Variants in MTHFD2L observed in about 807,000 individuals in gnomAD.
MTHFD2L encodes bifunctional methylenetetrahydrofolate dehydrogenase/cyclohydrolase 2, mitochondrial.
MTHFD2L carries 29 observed loss-of-function variants against 34.9 expected under a neutral mutation model. The observed-to-expected ratio is 0.83, with a 90% CI of 0.62 to 1.13. The LOEUF is 1.13. Ranked by LOEUF, MTHFD2L falls within the 50% of genes most tolerant of loss-of-function variation. The pLI is 0.00. For missense variants in MTHFD2L, 481 were observed against 446.5 expected, an observed-to-expected ratio of 1.08 and a Z score of -0.70; for synonymous variants, 167 against 155.7, an observed-to-expected ratio of 1.07 and a Z score of -0.54.
intron 1 of MTHFD2L, among the ~76,000 whole-genome samples, chr4:74,130,347 T>C (rs975048858): frequency 1.3e-5 from 2 of 152,190 alleles, no homozygotes; most frequent in African/African-American, 4.8e-5. Context: ...CATAAAATAC[T>C]GGCAAACCTA....
intron 5 of MTHFD2L, among the ~76,000 whole-genome samples, chr4:74,223,643 A>AAAT (rs1261027676): frequency 1.3e-5 from 2 of 151,502 alleles, no homozygotes; most frequent in African/African-American, 4.8e-5. Context: ...AAATAAAAAT[A>AAAT]AATAAATATT....
chr4:74,188,010 A>G (rs1316087357), intron 3 of MTHFD2L, among the ~76,000 whole-genome samples: 1 of 152,264 alleles, frequency 6.6e-6, no homozygotes, highest in Non-Finnish European at 1.5e-5. Flanking sequence ...TATTCCATAC[A>G]ATAGAATACT....
chr4:74,267,349 CCTTT>C (rs1230412411), intron 6 of MTHFD2L: 18 of 544,732 alleles, frequency 3.3e-5, no homozygotes, highest in East Asian at 1.5e-4. Context: ...CTTTCTTTCT[CCTTT>C]CTTTCTTCCT....
intron 1 of MTHFD2L, among the ~76,000 whole-genome samples, chr4:74,125,702 C>T (rs1722018834): frequency 6.6e-6 from 1 of 151,690 alleles, no homozygotes; most frequent in South Asian, 2.1e-4. Flanking sequence ...TAGTAATTTG[C>T]TTTTTTAATA....
chr4:74,158,337 G>C (rs1248162813), intron 1 of MTHFD2L, 56 bp downstream of exon 1: 20 of 1,171,454 alleles, frequency 1.7e-5, no homozygotes, highest in Non-Finnish European at 2.0e-5. Context: ...GGTCGGCGGG[G>C]GCGCGGGCGG....
At chr4:74,205,432 A>G (rs903298897) in intron 5 of MTHFD2L, among the ~76,000 whole-genome samples, 1 of 152,234 alleles carries the variant, frequency 6.6e-6, no homozygotes, top group Non-Finnish European at 1.5e-5. Flanking sequence ...GAAGACATGC[A>G]GAACCCTAGT....
intron 3 of MTHFD2L, among the ~76,000 whole-genome samples, chr4:74,186,855 C>A (rs1731381094): frequency 6.6e-6 from 1 of 152,010 alleles, no homozygotes; most frequent in South Asian, 2.1e-4. Flanking sequence ...ATGGTCCAAA[C>A]AATTTTGAAA....
chr4:74,268,292 T>C (rs1745558874), intron 6 of MTHFD2L: 1 of 967,710 alleles, frequency 1.0e-6, no homozygotes, highest in Non-Finnish European at 1.2e-6. Context: ...GAAAGAAGCA[T>C]ACATTCACAC....
chr4:74,178,827 A>C (rs2109974264), intron 3 of MTHFD2L, among the ~76,000 whole-genome samples: 1 of 152,108 alleles, frequency 6.6e-6, no homozygotes, highest in East Asian at 1.9e-4. Flanking sequence ...TACTGATGAG[A>C]AATTTGAGGC....
At chr4:74,186,227 T>G (rs985910908) in intron 3 of MTHFD2L, among the ~76,000 whole-genome samples, 1 of 151,966 alleles carries the variant, frequency 6.6e-6, no homozygotes, top group African/African-American at 2.4e-5. Flanking sequence ...AGAGAACTCT[T>G]TCAAGCTGAT....
At chr4:74,175,169 A>G (rs1025997350) in intron 2 of MTHFD2L, 112 bp from the exon 3 acceptor site, 12 of 1,125,558 alleles carry the variant, frequency 1.1e-5, no homozygotes, top group Non-Finnish European at 1.4e-5. Flanking sequence ...TGATGCATGG[A>G]ACATCAGAAC....
In MTHFD2L at chr4:74,298,860, G is replaced by A. The variant is rs181175803; in HGVS notation, c.932-2837G>A. On this transcript the variant is annotated intron_variant, in intron 7 of 7. Transcript: ENST00000325278. ...TGATAATACAGTTGCATTGGAATGG[G>A]GTGAAATTATGGGATTATAGAGCAT... Among the ~76,000 whole-genome samples, 336 of 151,984 alleles carry A rather than the reference G, an allele frequency of 2.2e-3. 2 individuals are homozygous for A. The highest frequency in any genetic ancestry group is 3.8e-3 in the Non-Finnish European group (256 of 67,904).
At chr4:74,171,243 G>A (rs77937714) in intron 1 of MTHFD2L, among the ~76,000 whole-genome samples, 9,267 of 152,150 alleles carry the variant, frequency 0.061, 342 homozygotes, top group Middle Eastern at 0.11. Flanking sequence ...CATATGAAAA[G>A]ATGTTCAACA....
intron 5 of MTHFD2L, among the ~76,000 whole-genome samples, chr4:74,215,335 G>A (rs1483949556): frequency 1.3e-5 from 2 of 151,852 alleles, no homozygotes; most frequent in East Asian, 1.9e-4. Flanking sequence ...GTAGGCACCC[G>A]AGGGAATCTC....
chr4:74,160,283 G>A (rs1467720333), intron 1 of MTHFD2L: 2 of 336,450 alleles, frequency 5.9e-6, no homozygotes, highest in Non-Finnish European at 1.1e-5. Context: ...TTATCCCAGT[G>A]ATATTGACTG....
rs932547106 is a variant in MTHFD2L, at chr4:74,115,321, T to C, written c.-144+664T>C. Among the ~76,000 whole-genome samples the C allele has an allele frequency of 8.5e-5, 13 of 152,336 alleles. No homozygotes were observed. In the Middle Eastern group the frequency reaches 0.014, roughly 159 times the overall value. ...GGCAATATCTGTCATATCTATTAGTTTGGAGAAATGAAGAAGCTTTTTTAG... is the reference window on the plus strand; with the variant it reads ...GGCAATATCTGTCATATCTATTAGTCTGGAGAAATGAAGAAGCTTTTTTAG... On this transcript the variant is annotated intron_variant and NMD_transcript_variant, in intron 2 of 9. Coordinates refer to the MTHFD2L transcript ENST00000429519.
At chr4:74,262,193 A>G (rs528324558) in intron 6 of MTHFD2L, among the ~76,000 whole-genome samples, 63 of 152,114 alleles carry the variant, frequency 4.1e-4, no homozygotes, top group African/African-American at 1.4e-3. Context: ...ATTTAGGAAA[A>G]AAATCTAGTT....
intron 6 of MTHFD2L, among the ~76,000 whole-genome samples, chr4:74,244,630 A>G (rs539120801): frequency 1.3e-5 from 2 of 152,344 alleles, no homozygotes; most frequent in South Asian, 4.1e-4. Flanking sequence ...TATTTTCCAA[A>G]TAAGCAATAC....
At chr4:74,197,010 C>T (rs1269216050) in intron 3 of MTHFD2L, among the ~76,000 whole-genome samples, 3 of 151,280 alleles carry the variant, frequency 2.0e-5, no homozygotes, top group Non-Finnish European at 1.5e-5. Flanking sequence ...CTACAGTGTC[C>T]TAAAGGCATT....
Sources: gnomAD v4.1 joint callset for allele counts (sites outside exome capture counted in the v4.1 genomes callset) on GRCh38, gnomAD v4.1.1 for gene constraint, MANE v1.5 for transcripts, NCBI Gene and HGNC (gene_info 2026-07-23, HGNC 2026-07-21) for gene names.